Variants in ERC1 observed in about 807,000 individuals in gnomAD.
ERC1 encodes ELKS/RAB6-interacting/CAST family member 1, also known as RAB6 interacting protein 2.
A neutral mutation model predicts 132.0 loss-of-function variants in ERC1; 56 were observed. The ratio of observed to expected loss-of-function variants is 0.42; its 90% CI spans 0.34 to 0.53. ERC1 has a LOEUF of 0.53. Ranked by LOEUF, ERC1 falls within the 20% of genes least tolerant of loss-of-function variation. The pLI, the probability that ERC1 is intolerant of heterozygous loss-of-function variation, is 0.03. For missense variants in ERC1, 1,202 were observed against 1,349.9 expected, an observed-to-expected ratio of 0.89 and a Z score of 1.72; for synonymous variants, 478 against 476.1, an observed-to-expected ratio of 1.00 and a Z score of -0.05.
chr12:1,397,715 G>A (rs2090658415), intron 16 of ERC1, among the ~76,000 whole-genome samples: 1 of 152,108 alleles, frequency 6.6e-6, no homozygotes, highest in South Asian at 2.1e-4. Flanking sequence ...CAGGATAGAG[G>A]AGACAGGGGT....
chr12:1,192,756 C>T (rs1955861157), intron 12 of ERC1, among the ~76,000 whole-genome samples: 1 of 152,136 alleles, frequency 6.6e-6, no homozygotes, highest in Non-Finnish European at 1.5e-5. Flanking sequence ...GCTGCTTTTG[C>T]TACTGCTGGG....
At chr12:1,445,222 A>ATTTTTTTTTTTTTTT (rs137864873) in intron 18 of ERC1, among the ~76,000 whole-genome samples, 2 of 90,692 alleles carry the variant, frequency 2.2e-5, no homozygotes, top group African/African-American at 5.3e-5. Flanking sequence ...TGTACAGTAG[A>ATTTTTTTTTTTTTTT]TTTTTTTTTT....
intron 18 of ERC1, among the ~76,000 whole-genome samples, chr12:1,487,129 C>T (rs980441336): frequency 2.0e-5 from 3 of 152,162 alleles, no homozygotes; most frequent in East Asian, 3.8e-4. Context: ...TCCTAGCTTT[C>T]CCCGTTGAAG....
chr12:1,182,781 T>A (rs1199113487), intron 10 of ERC1, among the ~76,000 whole-genome samples: 1 of 151,928 alleles, frequency 6.6e-6, no homozygotes, highest in Non-Finnish European at 1.5e-5. Context: ...CCTATTTCAG[T>A]CTTCCATGTA....
intron 17 of ERC1, among the ~76,000 whole-genome samples, chr12:1,419,693 GT>G (rs2092344298): frequency 6.6e-6 from 1 of 151,896 alleles, no homozygotes; most frequent in East Asian, 1.9e-4. Flanking sequence ...TAGAGTTTTA[GT>G]TTTGCAAGAT....
intron 3 of ERC1, among the ~76,000 whole-genome samples, chr12:1,084,213 G>T (rs200389800): frequency 6.6e-6 from 1 of 152,128 alleles, no homozygotes; most frequent in Non-Finnish European, 1.5e-5. Context: ...TTAAGAAGGC[G>T]TAAAGGAAGA....
At chr12:1,126,986 C>CA (rs71055135) in intron 7 of ERC1, among the ~76,000 whole-genome samples, 3,819 of 113,504 alleles carry the variant, frequency 0.034, 462 homozygotes, top group African/African-American at 0.077. Context: ...GATTCTGTCT[C>CA]AAAAAAAAAA....
At chr12:1,266,240 C>T (rs747229711) in intron 14 of ERC1, among the ~76,000 whole-genome samples, 7 of 151,958 alleles carry the variant, frequency 4.6e-5, no homozygotes, top group South Asian at 2.1e-4. Context: ...GAAGCTGTTG[C>T]GTGAAATATT....
chr12:1,439,717 G>C (rs2093049136), intron 17 of ERC1, among the ~76,000 whole-genome samples: 1 of 152,168 alleles, frequency 6.6e-6, no homozygotes, highest in Non-Finnish European at 1.5e-5. Flanking sequence ...ATGATTTTTA[G>C]TAGGACCCCT....
At chr12:999,938 G>A (rs1441872704) in intron 1 of ERC1, among the ~76,000 whole-genome samples, 4 of 152,120 alleles carry the variant, frequency 2.6e-5, no homozygotes, top group South Asian at 2.1e-4. Flanking sequence ...GAGATACTGC[G>A]TGTGTAGCTA....
At chr12:1,230,662 G>A (rs995212845) in intron 12 of ERC1, among the ~76,000 whole-genome samples, 1 of 152,122 alleles carries the variant, frequency 6.6e-6, no homozygotes, top group African/African-American at 2.4e-5. Flanking sequence ...TAAAAGTGGG[G>A]TAGTAAAGTC....
intron 18 of ERC1, among the ~76,000 whole-genome samples, chr12:1,481,552 C>T (rs1301015755): frequency 2.0e-5 from 3 of 152,210 alleles, no homozygotes; most frequent in Non-Finnish European, 4.4e-5. Context: ...CCCTGCTCAG[C>T]TGTGCCCACA....
chr12:1,095,027 T>A (rs953942769), intron 3 of ERC1, among the ~76,000 whole-genome samples: 4 of 152,124 alleles, frequency 2.6e-5, no homozygotes, highest in African/African-American at 7.2e-5. Flanking sequence ...TGAAAAAAAA[T>A]TTTCAGACCT....
intron 3 of ERC1, among the ~76,000 whole-genome samples, chr12:1,099,529 C>T (rs1204600297): frequency 6.6e-6 from 1 of 152,180 alleles, no homozygotes; most frequent in Non-Finnish European, 1.5e-5. Flanking sequence ...TAATTACTCT[C>T]TTACAGTATT....
intron 1 of ERC1, among the ~76,000 whole-genome samples, chr12:1,012,906 C>T (rs1964932754): frequency 6.6e-6 from 1 of 152,174 alleles, no homozygotes; most frequent in African/African-American, 2.4e-5. Context: ...CTAATTTCTT[C>T]ATTAAACACT....
At chr12:1,457,064 T>C (rs1223786925) in intron 18 of ERC1, among the ~76,000 whole-genome samples, 1 of 152,218 alleles carries the variant, frequency 6.6e-6, no homozygotes, top group Non-Finnish European at 1.5e-5. Flanking sequence ...TATGTTTAGA[T>C]ATGTTTGGAT....
chr12:1,334,005 G>A (rs1377027140), intron 15 of ERC1, among the ~76,000 whole-genome samples: 8 of 152,314 alleles, frequency 5.3e-5, no homozygotes, highest in Middle Eastern at 3.4e-3. Context: ...GATCCCTGAT[G>A]TTGAGCTTTT....
intron 15 of ERC1, among the ~76,000 whole-genome samples, chr12:1,339,458 C>T (rs2083612886): frequency 7.0e-6 from 1 of 143,430 alleles, no homozygotes; most frequent in Non-Finnish European, 1.5e-5. Context: ...TGTAGGCATT[C>T]ACTGCAGTGG....
chr12:1,369,723 G>A (rs1432879937), intron 15 of ERC1, among the ~76,000 whole-genome samples: 1 of 152,048 alleles, frequency 6.6e-6, no homozygotes, highest in East Asian at 1.9e-4. Flanking sequence ...TATTTAGACT[G>A]TCATTATCCC....
Sources: gnomAD v4.1 joint callset for allele counts (sites outside exome capture counted in the v4.1 genomes callset) on GRCh38, gnomAD v4.1.1 for gene constraint, MANE v1.5 for transcripts, NCBI Gene and HGNC (gene_info 2026-07-23, HGNC 2026-07-21) for gene names.